Variants in ANKRD13C observed in about 807,000 individuals in gnomAD.
ANKRD13C encodes ankyrin repeat domain-containing protein 13C.
A neutral mutation model predicts 65.5 loss-of-function variants in ANKRD13C; 16 were observed. The ratio of observed to expected loss-of-function variants is 0.24; its 90% CI spans 0.17 to 0.37. The LOEUF (loss-of-function observed/expected upper bound fraction) is 0.37. Ranked by LOEUF, ANKRD13C falls within the 10% of genes least tolerant of loss-of-function variation. The pLI, the probability that ANKRD13C is intolerant of heterozygous loss-of-function variation, is 1.00. For missense variants in ANKRD13C, 503 were observed against 655.9 expected, an observed-to-expected ratio of 0.77 and a Z score of 2.55; for synonymous variants, 235 against 238.7, an observed-to-expected ratio of 0.98 and a Z score of 0.14.
intron 1 of ANKRD13C, among the ~76,000 whole-genome samples, chr1:70,347,149 C>G (rs1174801895): frequency 1.4e-5 from 2 of 146,200 alleles, no homozygotes; most frequent in Non-Finnish European, 3.0e-5. Context: ...GTCTCAAACT[C>G]AGATCTGATC....
chr1:70,297,816 G>A (rs1680158284), intron 7 of ANKRD13C, among the ~76,000 whole-genome samples: 1 of 150,522 alleles, frequency 6.6e-6, no homozygotes, highest in African/African-American at 2.4e-5. Flanking sequence ...GGGAGGCTAA[G>A]GCAGGAGAAT....
intron 1 of ANKRD13C, among the ~76,000 whole-genome samples, chr1:70,342,739 A>AAC (rs373447795): frequency 0.14 from 15,942 of 115,206 alleles, 999 homozygotes; most frequent in African/African-American, 0.21. Flanking sequence ...CACACACAAT[A>AAC]ACACACACAC....
intron 9 of ANKRD13C, among the ~76,000 whole-genome samples, chr1:70,285,217 G>C (rs1472213524): frequency 7.3e-6 from 1 of 136,954 alleles, no homozygotes; most frequent in East Asian, 2.1e-4. Context: ...TTTTGAGATG[G>C]AGTCTCACTC....
intron 2 of ANKRD13C, among the ~76,000 whole-genome samples, chr1:70,329,465 G>A (rs1158627507): frequency 2.0e-5 from 3 of 151,714 alleles, no homozygotes; most frequent in African/African-American, 7.3e-5. Flanking sequence ...AGGTTGTGAT[G>A]AGCCAAGATT....
At chr1:70,316,454 G>C (rs1207130522) in intron 3 of ANKRD13C, among the ~76,000 whole-genome samples, 2 of 151,686 alleles carry the variant, frequency 1.3e-5, no homozygotes, top group East Asian at 3.9e-4. Flanking sequence ...AGGTTAAGGT[G>C]AGAGGATCAC....
At chr1:70,279,248 T>G (rs375838385) in intron 9 of ANKRD13C, among the ~76,000 whole-genome samples, 5 of 151,920 alleles carry the variant, frequency 3.3e-5, no homozygotes, top group Non-Finnish European at 5.9e-5. Context: ...AAGCAGTAAA[T>G]GGAGGAAAAG....
At chr1:70,345,429 CAA>C (rs879748302) in intron 1 of ANKRD13C, among the ~76,000 whole-genome samples, 8 of 125,110 alleles carry the variant, frequency 6.4e-5, no homozygotes, top group South Asian at 2.5e-4. Context: ...TATTCCGTCT[CAA>C]AAAAAAAAAA....
chr1:70,275,443 TTA>T (rs1471738639), intron 10 of ANKRD13C, among the ~76,000 whole-genome samples: 3 of 151,932 alleles, frequency 2.0e-5, no homozygotes, highest in African/African-American at 7.3e-5. Flanking sequence ...GTTGCTTTCC[TTA>T]TACAGTTAAA....
rs56932890 is a variant in ANKRD13C, at chr1:70,272,990, A to AAAATAAATAAATAAAT, written c.1394+1714_1394+1729dup. 4.0e-3 allele frequency among the ~76,000 whole-genome samples: 592 copies of AAAATAAATAAATAAAT among 147,182 alleles called. 19 individuals are homozygous for AAAATAAATAAATAAAT. The highest frequency in any genetic ancestry group is 0.03 in the Admixed American group (440 of 14,608). ...GCAACAGAGTGAGACTCTGTCTCAAAAAATAAATAAATAAATAAATAAATA... is the reference window on the plus strand; with the variant it reads ...GCAACAGAGTGAGACTCTGTCTCAAAAAATAAATAAATAAATAAATAAATAAATAAATAAATAAATA... On this transcript the variant is annotated intron_variant, in intron 11 of 12. Coordinates refer to ENST00000370944, the MANE Select transcript of ANKRD13C (RefSeq NM_030816.5).
intron 12 of ANKRD13C, among the ~76,000 whole-genome samples, chr1:70,269,623 T>G (rs538975753): frequency 1.3e-5 from 2 of 152,170 alleles, no homozygotes; most frequent in East Asian, 3.9e-4. Context: ...CTGCCTAAGA[T>G]CTTATCACTG....
intron 8 of ANKRD13C, among the ~76,000 whole-genome samples, chr1:70,294,495 G>A (rs1366817022): frequency 1.3e-5 from 2 of 152,092 alleles, no homozygotes; most frequent in Non-Finnish European, 2.9e-5. Context: ...TACATAATGT[G>A]AGTGGGCCTA....
intron 1 of ANKRD13C, among the ~76,000 whole-genome samples, chr1:70,338,696 G>A (rs1035993237): frequency 3.3e-5 from 5 of 152,062 alleles, no homozygotes; most frequent in African/African-American, 9.7e-5. Context: ...CACCACGCCC[G>A]GCCCTTAAGA....
At position 70,259,158 on chromosome 1, in the gene ANKRD13C, T is replaced by G. The variant is rs1678318415; in HGVS notation, c.*3559A>C. 6.6e-6 allele frequency among the ~76,000 whole-genome samples: 1 copy of G among 152,202 alleles called. No homozygotes were observed. The highest frequency in any genetic ancestry group is 1.5e-5 in the Non-Finnish European group (1 of 68,020). ...ATCATTAAGTGACACACAACTGTATTTAGAACATCCCAATTACTGTCATCC... is the reference window on the plus strand; with the variant it reads ...ATCATTAAGTGACACACAACTGTATGTAGAACATCCCAATTACTGTCATCC... On this transcript the variant is annotated 3_prime_UTR_variant, in exon 13 of 13. Coordinates refer to ENST00000370944, the MANE Select transcript of ANKRD13C (RefSeq NM_030816.5).
At chr1:70,283,055 A>T (rs899488701) in intron 9 of ANKRD13C, among the ~76,000 whole-genome samples, 1 of 152,212 alleles carries the variant, frequency 6.6e-6, no homozygotes, top group African/African-American at 2.4e-5. Context: ...AATGTAATTT[A>T]ACCTTTTATT....
intron 9 of ANKRD13C, among the ~76,000 whole-genome samples, chr1:70,291,305 G>A (rs1166016442): frequency 1.3e-5 from 2 of 152,288 alleles, no homozygotes; most frequent in Middle Eastern, 3.4e-3. Flanking sequence ...ACAGGTGTAA[G>A]CCACCACGCC....
chr1:70,306,768 T>C (rs866955444), intron 5 of ANKRD13C, among the ~76,000 whole-genome samples: 5 of 152,242 alleles, frequency 3.3e-5, no homozygotes, highest in African/African-American at 1.2e-4. Context: ...GTGCCTTGGT[T>C]ATTTAGACTC....
At chr1:70,302,448 C>T (rs572492839) in intron 6 of ANKRD13C, among the ~76,000 whole-genome samples, 1 of 110,712 alleles carries the variant, frequency 9.0e-6, no homozygotes, top group South Asian at 3.1e-4. Flanking sequence ...TAGTATTGGC[C>T]GGGCGCGGTG....
At position 70,274,836 on chromosome 1, in the gene ANKRD13C, A is replaced by G. The variant is rs923988074; in HGVS notation, c.1296-18T>C. The G allele has an allele frequency of 6.5e-7, 1 of 1,549,272 alleles. No homozygotes were observed. Among genetic ancestry groups the G allele is most frequent in the East Asian group, 2.2e-5 (1 of 44,560 alleles). On this transcript the variant is annotated intron_variant, in intron 10 of 12. Transcript: ENST00000370944. Reference sequence around the variant, plus strand: ...GAGGAGCTCTAAAATGGGAGGAAAAAAAATGTTAGGAAACTTTTTCCATAG... The same window carrying G: ...GAGGAGCTCTAAAATGGGAGGAAAAGAAATGTTAGGAAACTTTTTCCATAG...
chr1:70,295,990 CT>C, intron 8 of ANKRD13C, 139 bp downstream of exon 8: 1 of 915,294 alleles, frequency 1.1e-6, no homozygotes, highest in Non-Finnish European at 1.6e-6. Flanking sequence ...ATTATAATTC[CT>C]TATCTGGATT....
Sources: gnomAD v4.1 joint callset for allele counts (sites outside exome capture counted in the v4.1 genomes callset) on GRCh38, gnomAD v4.1.1 for gene constraint, MANE v1.5 for transcripts, NCBI Gene and HGNC (gene_info 2026-07-23, HGNC 2026-07-21) for gene names.